The following PCDHA3 variants were observed in gnomAD, a reference collection of about 807,000 sequenced individuals.
PCDHA3 encodes the protein protocadherin alpha 3.
In PCDHA3, 41 loss-of-function variants were observed where a neutral mutation model predicts 62.2. The observed-to-expected ratio is 0.66, with a 90% CI of 0.51 to 0.86. The LOEUF is 0.86. Among genes scored for constraint, PCDHA3 ranks in the 40% least tolerant of loss-of-function variants. PCDHA3 has a pLI of 0.00. For missense variants in PCDHA3, 1,304 were observed against 1,241.2 expected (o/e 1.05, Z -0.76); for synonymous variants, 640 against 555.4 (o/e 1.15, Z -2.14).
rs552891884 is a variant in PCDHA3 at position 140,857,764 on chromosome 5, G to A, written c.2394+54173G>A. The A allele has an allele frequency of 3.8e-6, 6 of 1,597,520 alleles. 2 individuals carry two copies. In the African/African-American group the frequency reaches 5.4e-5, roughly 14 times the overall value. On this transcript the variant is annotated intron_variant, in intron 1 of 3. Coordinates refer to ENST00000522353, the MANE Select transcript of PCDHA3 (RefSeq NM_018906.3). ...TGCTGGCGTCTCCCGCTGGCAGCGC[G>A]GGCGGTGCAGTCAGTGAGCTGGTGC...
chr5:140,878,313 AT>A (rs2057535405), intron 1 of PCDHA3, among the ~76,000 whole-genome samples: 1 of 152,186 alleles, frequency 6.6e-6, no homozygotes, highest in Non-Finnish European at 1.5e-5. Flanking sequence ...CAATCTAGAC[AT>A]TTTCACATTA....
intron 1 of PCDHA3, among the ~76,000 whole-genome samples, chr5:140,948,503 A>G (rs949915439): frequency 1.4e-4 from 22 of 151,736 alleles, no homozygotes; most frequent in Middle Eastern, 3.4e-3. Flanking sequence ...TAGACTTTCT[A>G]TTAAAAATGT....
At chr5:140,828,562 G>A in intron 1 of PCDHA3, 5 of 1,614,232 alleles carry the variant, frequency 3.1e-6, no homozygotes, top group Non-Finnish European at 4.2e-6. Context: ...TGGAGGGCGC[G>A]TCCGATGCAG....
At chr5:140,877,108 G>C in intron 1 of PCDHA3, 1 of 1,613,542 alleles carries the variant, frequency 6.2e-7, no homozygotes. Context: ...GCCGCCTCTG[G>C]GCAGCAACGT....
rs1414020840 is a variant in PCDHA3, at chr5:140,920,855, AAAAC to A, written c.2395-58085_2395-58082del. On this transcript the variant is annotated intron_variant, in intron 1 of 3. Transcript: ENST00000522353. ...AAGACCAAATCTAAAAAAAAAAAAA[AAAAC>A]AAACAAACTGTGGCCCTTAGAACTT... Among the ~76,000 whole-genome samples the A allele has an allele frequency of 3.9e-5, 6 of 152,094 alleles. No homozygotes were observed. The East Asian group carries it at 5.8e-4, about 15-fold the overall frequency.
intron 1 of PCDHA3, chr5:140,882,074 G>C (rs1276421996): frequency 1.1e-6 from 1 of 886,834 alleles, no homozygotes. Context: ...CATGCGCATG[G>C]TGTCGCTCTT....
intron 1 of PCDHA3, among the ~76,000 whole-genome samples, chr5:140,964,342 C>T (rs2095825714): frequency 6.6e-6 from 1 of 152,184 alleles, no homozygotes; most frequent in Non-Finnish European, 1.5e-5. Context: ...TGGCAGGTGT[C>T]CTTGCTGGAA....
At chr5:140,883,575 GGGCCAC>G (rs1239547262) in intron 1 of PCDHA3, 1 of 1,613,954 alleles carries the variant, frequency 6.2e-7, no homozygotes, top group African/African-American at 1.3e-5. Flanking sequence ...CCTTCGCTGT[GGGCCAC>G]GGCCAGCGTG....
chr5:140,870,475 G>T, intron 1 of PCDHA3: 2 of 1,614,214 alleles, frequency 1.2e-6, no homozygotes, highest in Non-Finnish European at 1.7e-6. Flanking sequence ...CGCACAGCCC[G>T]AGTACACCGT....
chr5:140,983,022 A>G (rs2097023004), intron 3 of PCDHA3, among the ~76,000 whole-genome samples: 1 of 152,114 alleles, frequency 6.6e-6, no homozygotes, highest in Non-Finnish European at 1.5e-5. Flanking sequence ...GGAAGGAAGG[A>G]AGATGGTTTC....
At chr5:140,873,076 AT>A (rs2054077114) in intron 1 of PCDHA3, among the ~76,000 whole-genome samples, 1 of 152,056 alleles carries the variant, frequency 6.6e-6, no homozygotes, top group South Asian at 2.1e-4. Flanking sequence ...ATATCTAGCT[AT>A]TTCCCCCCCG....
chr5:140,870,793 C>T, intron 1 of PCDHA3: 2 of 1,613,678 alleles, frequency 1.2e-6, no homozygotes, highest in Non-Finnish European at 1.7e-6. Context: ...CGCGCCGGCA[C>T]TGCTGGCGAC....
intron 1 of PCDHA3, chr5:140,930,181 T>C (rs1170637205): frequency 2.0e-5 from 3 of 152,216 alleles, no homozygotes; most frequent in African/African-American, 7.2e-5. Flanking sequence ...AGAGGAAAGA[T>C]GAGTAATTTT....
intron 1 of PCDHA3, among the ~76,000 whole-genome samples, chr5:140,819,733 T>C (rs1554127740): frequency 6.6e-6 from 1 of 152,076 alleles, no homozygotes; most frequent in East Asian, 1.9e-4. Context: ...GATATGAAAG[T>C]GAATCAAAAG....
At chr5:140,929,036 C>T in intron 1 of PCDHA3, 1 of 1,614,178 alleles carries the variant, frequency 6.2e-7, no homozygotes, top group Non-Finnish European at 8.5e-7. Flanking sequence ...GGCTGTTGCG[C>T]TCAGAGCTGC....
intron 1 of PCDHA3, among the ~76,000 whole-genome samples, chr5:140,974,767 T>C (rs559758887): frequency 1.2e-4 from 18 of 152,098 alleles, no homozygotes; most frequent in Non-Finnish European, 2.4e-4. Flanking sequence ...GGATTACAGG[T>C]ATGAGCCACT....
At chr5:140,947,907 C>T (rs2094191786) in intron 1 of PCDHA3, among the ~76,000 whole-genome samples, 1 of 151,546 alleles carries the variant, frequency 6.6e-6, no homozygotes, top group African/African-American at 2.4e-5. Context: ...TGAGAGCAGA[C>T]ATTCTTGCCT....
chr5:140,888,572 A>G (rs1354616132), intron 1 of PCDHA3, among the ~76,000 whole-genome samples: 1 of 152,196 alleles, frequency 6.6e-6, no homozygotes, highest in Admixed American at 6.5e-5. Context: ...GCTTCATTTT[A>G]AGATTTGTTA....
Position 140,835,520 on chromosome 5 carries a change from T to G in PCDHA3, c.2394+31929T>G. On this transcript the variant is annotated intron_variant, in intron 1 of 3. Coordinates refer to ENST00000522353, the MANE Select transcript of PCDHA3 (RefSeq NM_018906.3). ...TGATTAGCGTGTTTGACCGAGATTT[T>G]GGAGTCAACGGACAGGTTACCTGCT... 4 of 1,613,956 alleles carry G rather than the reference T, an allele frequency of 2.5e-6. No homozygotes were observed. Among genetic ancestry groups the G allele is most frequent in the Non-Finnish European group, 3.4e-6 (4 of 1,179,884 alleles).
Sources: allele counts gnomAD v4.1 joint callset (sites outside exome capture counted in the v4.1 genomes callset), GRCh38; gene constraint gnomAD v4.1.1; transcripts MANE v1.5; gene names NCBI Gene and HGNC (gene_info 2026-07-23, HGNC 2026-07-21).